The following THRB variants were observed in gnomAD, a reference collection of about 807,000 sequenced individuals.
THRB encodes the protein nuclear receptor subfamily 1 group A member 2.
THRB carries 12 observed loss-of-function variants against 47.8 expected under a neutral mutation model. The ratio of observed to expected loss-of-function variants is 0.25; its 90% CI spans 0.16 to 0.41. THRB has a LOEUF of 0.41. THRB is among the 10% of genes least tolerant of loss of function. THRB has a pLI of 1.00. For synonymous variants in THRB, 218 were observed against 212.2 expected (o/e 1.03, Z -0.24); for missense variants, 348 against 589.2 (o/e 0.59, Z 4.24).
chr3:24,311,885 G>T (rs887382431), intron 2 of THRB, among the ~76,000 whole-genome samples: 1 of 152,100 alleles, frequency 6.6e-6, no homozygotes, highest in African/African-American at 2.4e-5. Flanking sequence ...TCATTTACTA[G>T]TAGTAGGTCC....
chr3:24,420,325 G>GAC (rs1205684427), intron 1 of THRB, among the ~76,000 whole-genome samples: 1 of 151,804 alleles, frequency 6.6e-6, no homozygotes, highest in Non-Finnish European at 1.5e-5. Flanking sequence ...AACTACCCAG[G>GAC]ACACATGTCC....
upstream of THRB, chr3:24,495,379 C>G (rs1698875416): frequency 6.5e-6 from 1 of 153,296 alleles, no homozygotes; most frequent in Non-Finnish European, 1.5e-5. Context: ...TCCGGGCCAG[C>G]GCTCCGACGC....
chr3:24,284,500 C>A (rs2055018905), intron 3 of THRB, among the ~76,000 whole-genome samples: 2 of 152,028 alleles, frequency 1.3e-5, no homozygotes, highest in Middle Eastern at 3.4e-3. Context: ...CTAGGCATTG[C>A]CATTCAGGAC....
At chr3:24,194,166 C>T (rs933326189) in intron 4 of THRB, among the ~76,000 whole-genome samples, 3 of 152,178 alleles carry the variant, frequency 2.0e-5, no homozygotes, top group African/African-American at 7.2e-5. Context: ...ACATTGGGTA[C>T]AGTGTACACT....
chr3:24,276,748 G>A (rs1367465053), intron 3 of THRB, among the ~76,000 whole-genome samples: 1 of 152,262 alleles, frequency 6.6e-6, no homozygotes, highest in African/African-American at 2.4e-5. Context: ...CGTGGAGTAA[G>A]TGTGCAGAAA....
chr3:24,164,948 C>T (rs748491099), intron 5 of THRB: 1 of 642,742 alleles, frequency 1.6e-6, no homozygotes. Flanking sequence ...TTTGACGAAG[C>T]TGATGTAAAC....
At chr3:24,387,544 T>TATTCATCTGC (rs2066223753) in intron 1 of THRB, among the ~76,000 whole-genome samples, 2 of 152,194 alleles carry the variant, frequency 1.3e-5, no homozygotes, top group Admixed American at 6.5e-5. Context: ...ATTGTCTGCT[T>TATTCATCTGC]ATTCATCTGC....
chr3:24,265,102 T>C (rs2052512970), intron 3 of THRB, among the ~76,000 whole-genome samples: 1 of 152,058 alleles, frequency 6.6e-6, no homozygotes, highest in African/African-American at 2.4e-5. Flanking sequence ...ATCAGTAGAC[T>C]GGGGGGAAGA....
chr3:24,179,413 A>C (rs187121575), intron 5 of THRB, among the ~76,000 whole-genome samples: 20 of 152,338 alleles, frequency 1.3e-4, no homozygotes, highest in African/African-American at 4.6e-4. Context: ...TAATAATAAT[A>C]TGTATATATG....
chr3:24,244,848 T>C (rs2049945652), intron 3 of THRB, among the ~76,000 whole-genome samples: 1 of 152,160 alleles, frequency 6.6e-6, no homozygotes, highest in Non-Finnish European at 1.5e-5. Flanking sequence ...GCAATGAAAA[T>C]GCTGCATGGT....
intron 1 of THRB, among the ~76,000 whole-genome samples, chr3:24,399,427 T>C (rs2067230253): frequency 1.3e-5 from 2 of 152,040 alleles, no homozygotes; most frequent in Non-Finnish European, 2.9e-5. Flanking sequence ...ATGATTTATC[T>C]GGCCCAGAGC....
intron 8 of THRB, among the ~76,000 whole-genome samples, chr3:24,134,978 A>G (rs546786028): frequency 7.9e-5 from 12 of 152,206 alleles, no homozygotes; most frequent in Admixed American, 2.6e-4. Context: ...TGGCCCCCAA[A>G]CTTCACTGTG....
At chr3:24,364,422 T>C (rs2064304620) in intron 1 of THRB, among the ~76,000 whole-genome samples, 1 of 152,188 alleles carries the variant, frequency 6.6e-6, no homozygotes. Context: ...TTAGTAATAA[T>C]AGCTAATAGT....
At chr3:24,138,498 G>T (rs2034995591) in intron 8 of THRB, among the ~76,000 whole-genome samples, 1 of 152,090 alleles carries the variant, frequency 6.6e-6, no homozygotes, top group Non-Finnish European at 1.5e-5. Flanking sequence ...ATTGCTTTAT[G>T]CCATTCAGCA....
rs558247174 is a variant in THRB at position 24,477,007 on chromosome 3, A to ATTTTTTTTTTTTTTTTTTTTTT, written c.-261+17644_-261+17645insAAAAAAAAAAAAAAAAAAAAAA. Among the ~76,000 whole-genome samples, 164 of 126,442 alleles carry ATTTTTTTTTTTTTTTTTTTTTT rather than the reference A, an allele frequency of 1.3e-3. 3 individuals are homozygous for ATTTTTTTTTTTTTTTTTTTTTT. Among genetic ancestry groups the ATTTTTTTTTTTTTTTTTTTTTT allele is most frequent in the African/African-American group, 5.0e-3 (160 of 32,290 alleles). The allele number at this position is 126,442 out of a possible 152,430, so 83.0% of individuals were successfully genotyped here. On this transcript the variant is annotated intron_variant, in intron 1 of 10. Transcript: ENST00000646209. ...GGTATTTATGGTAGTGGTTTTCAAG[A>ATTTTTTTTTTTTTTTTTTTTTT]TTTTTTTTTTTTTTTTTTACTGTAA...
chr3:24,336,246 C>T (rs1393276961), intron 2 of THRB, among the ~76,000 whole-genome samples: 1 of 152,174 alleles, frequency 6.6e-6, no homozygotes, highest in African/African-American at 2.4e-5. Context: ...GCACTGAGTG[C>T]TGTAATACTA....
chr3:24,442,742 T>C (rs2071656395), intron 1 of THRB, among the ~76,000 whole-genome samples: 1 of 151,682 alleles, frequency 6.6e-6, no homozygotes, highest in South Asian at 2.1e-4. Context: ...GAGAATTGCT[T>C]GAACCTGGGA....
At chr3:24,488,481 A>T (rs1224977278) in intron 1 of THRB, among the ~76,000 whole-genome samples, 1 of 152,226 alleles carries the variant, frequency 6.6e-6, no homozygotes, top group Non-Finnish European at 1.5e-5. Flanking sequence ...CATGCAGATC[A>T]GCAAGACAAA....
chr3:24,195,153 C>T lies in THRB; in HGVS notation c.23-4819G>A, dbSNP rs771927640. Among the ~76,000 whole-genome samples the T allele has an allele frequency of 7.2e-5, 11 of 152,242 alleles. No homozygotes were observed. In the South Asian group the frequency reaches 1.7e-3, roughly 23 times the overall value. On this transcript the variant is annotated intron_variant, in intron 4 of 10. Coordinates refer to ENST00000646209, the MANE Select transcript of THRB (RefSeq NM_001354712.2). ...CCTTGCTGAATTCTCAGACTATGTA[C>T]GCCTCAACTGATTTTTTTTTAGAAT...
Sources: allele counts gnomAD v4.1 joint callset (sites outside exome capture counted in the v4.1 genomes callset), GRCh38; gene constraint gnomAD v4.1.1; transcripts MANE v1.5; gene names NCBI Gene and HGNC (gene_info 2026-07-23, HGNC 2026-07-21).